CLIP1: variants seen among roughly 807,000 people sequenced by gnomAD.
CLIP1 encodes CAP-Gly domain containing linker protein 1.
In CLIP1, 66 loss-of-function variants were observed where a neutral mutation model predicts 161.6. The observed-to-expected ratio is 0.41, with a 90% CI of 0.33 to 0.50. The LOEUF is 0.50. CLIP1 is among the 20% of genes least tolerant of loss of function. The probability of loss-of-function intolerance (pLI) is 0.27; values close to 1 mark genes in which losing one functional copy is unlikely to be tolerated. For missense variants in CLIP1, 1,376 were observed against 1,702.0 expected (o/e 0.81, Z 3.37); for synonymous variants, 598 against 626.2 (o/e 0.96, Z 0.67).
At chr12:122,339,425 C>T (rs930655298) in intron 11 of CLIP1, among the ~76,000 whole-genome samples, 4 of 152,226 alleles carry the variant, frequency 2.6e-5, no homozygotes, top group East Asian at 1.9e-4. Flanking sequence ...GCCACCTCCA[C>T]CTCCCGGGTT....
In CLIP1 at chr12:122,333,055, T is replaced by C; in HGVS notation, c.2799A>G (p.Ile933Met). Residue 933 changes from isoleucine to methionine, a missense_variant, in exon 15 of 26, where the codon ATA becomes ATG. Physicochemically the swap from Ile to Met is conservative, Grantham distance 10. Coordinates refer to ENST00000620786, the MANE Select transcript of CLIP1 (RefSeq NM_001247997.2). ...KEKLENDIAEIMKMSGDNSSQ... is the reference protein window; with the variant it reads ...KEKLENDIAEMMKMSGDNSSQ... ...AAGAGTTATCTCCTGACATCTTCAT[T>C]ATTTCTGCAATGTCATTTTCCAGTT... is the stretch of plus-strand genomic sequence containing the variant. 6.2e-7 allele frequency: 1 copy of C among 1,613,656 alleles called. No homozygotes were observed. The highest frequency in any genetic ancestry group is 1.1e-5 in the South Asian group (1 of 91,044).
Position 122,297,667 on chromosome 12 carries a change from C to T in CLIP1, c.3595-9126G>A, listed in dbSNP as rs146975089. Among the ~76,000 whole-genome samples the T allele has an allele frequency of 8.6e-3, 1,306 of 152,256 alleles. 10 individuals carry two copies. Among genetic ancestry groups the T allele is most frequent in the Middle Eastern group, 0.027 (8 of 294 alleles). Reference sequence around the variant, plus strand: ...TTCCCTGTGTCTGAGAAATTCTAGTCTCGCCTCCCACACACCGACTTCTGC... The same window carrying T: ...TTCCCTGTGTCTGAGAAATTCTAGTTTCGCCTCCCACACACCGACTTCTGC... On this transcript the variant is annotated intron_variant, in intron 20 of 25. Coordinates refer to ENST00000620786, the MANE Select transcript of CLIP1 (RefSeq NM_001247997.2).
rs574861162 is a variant in CLIP1 at position 122,278,312 on chromosome 12, C to T, written c.3917-109G>A. ...GGGCCTGTGTTCAAAACTCATTTTC[C>T]TGTGGACTTCCCAGATGCACCACTT... On this transcript the variant is annotated intron_variant, in intron 23 of 25. Coordinates refer to ENST00000620786, the MANE Select transcript of CLIP1 (RefSeq NM_001247997.2). 22 of 1,001,956 alleles carry T rather than the reference C, an allele frequency of 2.2e-5. No individual in the cohort carries two copies. In the Middle Eastern group the frequency reaches 6.9e-4, roughly 32 times the overall value. 62.1% of individuals were successfully genotyped at this position (1,001,956 alleles called of 1,614,324 possible). A position where few individuals can be genotyped will look rare whatever the true frequency, so the allele number is the denominator to read the frequency against.
chr12:122,283,524 T>C (rs1353562292), intron 21 of CLIP1, among the ~76,000 whole-genome samples: 2 of 151,038 alleles, frequency 1.3e-5, no homozygotes, highest in Non-Finnish European at 3.0e-5. Context: ...AGTGGTGCGA[T>C]CTCGGCTCAC....
chr12:122,373,172 C>T (rs747303542), intron 3 of CLIP1, among the ~76,000 whole-genome samples: 5 of 152,140 alleles, frequency 3.3e-5, no homozygotes, highest in Non-Finnish European at 5.9e-5. Context: ...CGCCTGTAAT[C>T]GCAGCACTTT....
intron 21 of CLIP1, among the ~76,000 whole-genome samples, chr12:122,287,350 T>C (rs181246708): frequency 1.5e-3 from 228 of 152,310 alleles, no homozygotes; most frequent in African/African-American, 5.2e-3. Flanking sequence ...TACGCTTCAG[T>C]AGGTCGGTGG....
chr12:122,343,468 A>C (rs1175361512), intron 10 of CLIP1: 1 of 152,134 alleles, frequency 6.6e-6, no homozygotes, highest in Non-Finnish European at 1.5e-5. Context: ...AGTAAGAATG[A>C]TTACTTACCT....
chr12:122,307,857 G>A (rs928358350), intron 20 of CLIP1, among the ~76,000 whole-genome samples: 1 of 152,148 alleles, frequency 6.6e-6, no homozygotes, highest in Non-Finnish European at 1.5e-5. Context: ...TCTCCATCAT[G>A]AAAGCCTATC....
At position 122,316,798 on chromosome 12, in the gene CLIP1, C is replaced by T. The variant is rs887990606; in HGVS notation, c.3424G>A (p.Glu1142Lys). The change falls in exon 19 of 26, where the codon GAA (glutamate) becomes AAA (lysine). Residue 1142 changes from glutamate (E) to lysine (K), a missense_variant. Glu to Lys is a moderately conservative substitution (Grantham distance 56). Coordinates refer to ENST00000620786, the MANE Select transcript of CLIP1 (RefSeq NM_001247997.2). Reference sequence around the variant, plus strand: ...TTTTGATTCTCTACAGTCAGGAGTTCTTTTGATTTGTTCAGCTCTTCCACA... The same window carrying T: ...TTTTGATTCTCTACAGTCAGGAGTTTTTTTGATTTGTTCAGCTCTTCCACA... ...KNVEELNKSK[E>K]LLTVENQKME... 1.3e-6 allele frequency: 2 copies of T among 1,595,284 alleles called. No homozygotes were observed. The highest frequency in any genetic ancestry group is 1.7e-6 in the Non-Finnish European group (2 of 1,172,668).
intron 20 of CLIP1, among the ~76,000 whole-genome samples, chr12:122,295,407 A>C (rs1950428637): frequency 6.6e-6 from 1 of 152,214 alleles, no homozygotes; most frequent in Admixed American, 6.5e-5. Flanking sequence ...AAGGCTATAT[A>C]ATGTTTTGAA....
chr12:122,359,228 TAA>T (rs1953656444), intron 5 of CLIP1, among the ~76,000 whole-genome samples: 1 of 152,170 alleles, frequency 6.6e-6, no homozygotes, highest in African/African-American at 2.4e-5. Context: ...TTAGAAACCA[TAA>T]AGACACAAAA....
At chr12:122,297,352 A>C (rs1039793596) in intron 20 of CLIP1, among the ~76,000 whole-genome samples, 1 of 152,162 alleles carries the variant, frequency 6.6e-6, no homozygotes, top group Non-Finnish European at 1.5e-5. Context: ...AAATCTCCGG[A>C]GAGGAGAAGC....
At chr12:122,290,341 CAGAAATATTT>C (rs565550810) in intron 20 of CLIP1, among the ~76,000 whole-genome samples, 87 of 151,974 alleles carry the variant, frequency 5.7e-4, no homozygotes, top group African/African-American at 2.1e-3. Flanking sequence ...GACTAATTCA[CAGAAATATTT>C]AGAAATTTTT....
chr12:122,389,870 AG>A (rs570317848), intron 1 of CLIP1, among the ~76,000 whole-genome samples: 143 of 142,504 alleles, frequency 1.0e-3, no homozygotes, highest in African/African-American at 3.5e-3. Flanking sequence ...CCAGTGCTGG[AG>A]GGGGGGCCCG....
In CLIP1 at chr12:122,341,933, G is replaced by A. The variant is rs183955043; in HGVS notation, c.1507-236C>T. 2.2e-3 allele frequency: 644 copies of A among 291,164 alleles called. 3 individuals carry two copies. The highest frequency in any genetic ancestry group is 0.013 in the African/African-American group (602 of 45,836). 18.0% of individuals were successfully genotyped at this position (291,164 alleles called of 1,614,324 possible). A position where few individuals can be genotyped will look rare whatever the true frequency, so the allele number is the denominator to read the frequency against. ...TGAGTAGCTAGGATTACAGGCATGCGCCACCACACCCAGCTAATTTTTGCA... is the reference window on the plus strand; with the variant it reads ...TGAGTAGCTAGGATTACAGGCATGCACCACCACACCCAGCTAATTTTTGCA... On this transcript the variant is annotated intron_variant, in intron 10 of 25. Coordinates refer to ENST00000620786, the MANE Select transcript of CLIP1 (RefSeq NM_001247997.2).
chr12:122,364,154 G>A, intron 3 of CLIP1, 47 bp from the exon 4 acceptor site: 1 of 1,611,392 alleles, frequency 6.2e-7, no homozygotes, highest in South Asian at 1.1e-5. Flanking sequence ...TCACTCTATA[G>A]CTTAATCGTT....
intron 5 of CLIP1, among the ~76,000 whole-genome samples, chr12:122,357,363 A>C (rs1221356822): frequency 3.5e-5 from 5 of 143,436 alleles, no homozygotes; most frequent in African/African-American, 1.3e-4. Flanking sequence ...TCCGCCTGGC[A>C]ACCGCCCCGT....
At chr12:122,340,484 C>T (rs1239034174) in intron 11 of CLIP1, among the ~76,000 whole-genome samples, 4 of 152,290 alleles carry the variant, frequency 2.6e-5, no homozygotes, top group Non-Finnish European at 5.9e-5. Flanking sequence ...TTAGAAGTCA[C>T]AGCATAGCCC....
At chr12:122,285,644 T>TC (rs997413551) in intron 21 of CLIP1, among the ~76,000 whole-genome samples, 2 of 150,892 alleles carry the variant, frequency 1.3e-5, no homozygotes, top group Non-Finnish European at 3.0e-5. Context: ...CGACCTTTTT[T>TC]TTTTTTTTTT....
Sources: gnomAD v4.1 joint callset for allele counts (sites outside exome capture counted in the v4.1 genomes callset) on GRCh38, gnomAD v4.1.1 for gene constraint, MANE v1.5 for transcripts, NCBI Gene and HGNC (gene_info 2026-07-23, HGNC 2026-07-21) for gene names.